The following CDH13 variants were observed in gnomAD, a reference collection of about 807,000 sequenced individuals.
CDH13 encodes cadherin-13.
CDH13 carries 24 observed loss-of-function variants against 63.8 expected under a neutral mutation model. The observed-to-expected ratio is 0.38, with a 90% confidence interval of 0.27 to 0.53. The LOEUF (loss-of-function observed/expected upper bound fraction) is 0.53, where lower values mean the gene tolerates loss of function less well. Ranked by LOEUF, CDH13 falls within the 20% of genes least tolerant of loss-of-function variation. The probability of loss-of-function intolerance (pLI) is 0.85; values close to 1 mark genes in which losing one functional copy is unlikely to be tolerated. For synonymous variants in CDH13, 503 were observed against 355.3 expected, an observed-to-expected ratio of 1.42 and a Z score of -4.67; for missense variants, 1,049 against 903.1, an observed-to-expected ratio of 1.16 and a Z score of -2.07.
chr16:83,132,940 G>C (rs1237658622), intron 4 of CDH13, among the ~76,000 whole-genome samples: 2 of 152,136 alleles, frequency 1.3e-5, no homozygotes, highest in Non-Finnish European at 2.9e-5. Flanking sequence ...TGAACTGTCA[G>C]TTCTTCCTGG....
intron 7 of CDH13, among the ~76,000 whole-genome samples, chr16:83,539,499 A>T (rs911569328): frequency 6.6e-6 from 1 of 152,236 alleles, no homozygotes; most frequent in African/African-American, 2.4e-5. Flanking sequence ...TCCACATGAA[A>T]GTGAAAGGCT....
chr16:83,558,055 A>G (rs577445674), intron 7 of CDH13, among the ~76,000 whole-genome samples: 1 of 152,206 alleles, frequency 6.6e-6, no homozygotes, highest in African/African-American at 2.4e-5. Context: ...AAGGGCACCC[A>G]GCAATGCTCA....
chr16:82,651,030 A>C (rs557887947), intron 1 of CDH13, among the ~76,000 whole-genome samples: 1 of 152,180 alleles, frequency 6.6e-6, no homozygotes, highest in African/African-American at 2.4e-5. Context: ...GGGGGAGAAA[A>C]CGGTACCCTC....
intron 2 of CDH13, among the ~76,000 whole-genome samples, chr16:83,006,890 C>A (rs1033321975): frequency 2.6e-5 from 3 of 115,374 alleles, no homozygotes; most frequent in South Asian, 2.7e-4. Flanking sequence ...TTCAAAACAC[C>A]CAGTTTTGAT....
At chr16:83,189,480 T>C (rs977887657) in intron 4 of CDH13, among the ~76,000 whole-genome samples, 5 of 152,184 alleles carry the variant, frequency 3.3e-5, no homozygotes, top group African/African-American at 1.2e-4. Flanking sequence ...AGTGGTACTG[T>C]GTTAGTCAGA....
chr16:82,972,952 A>T (rs1908981818), intron 2 of CDH13, among the ~76,000 whole-genome samples: 1 of 152,156 alleles, frequency 6.6e-6, no homozygotes, highest in Non-Finnish European at 1.5e-5. Flanking sequence ...TTATTTTTTT[A>T]AAGTGTTCAA....
intron 3 of CDH13, among the ~76,000 whole-genome samples, chr16:83,072,455 G>C (rs762293860): frequency 2.0e-5 from 3 of 152,064 alleles, no homozygotes; most frequent in Non-Finnish European, 1.5e-5. Context: ...CTCACCATTG[G>C]GTACCTCTTA....
intron 2 of CDH13, among the ~76,000 whole-genome samples, chr16:82,879,691 A>G (rs1181814899): frequency 7.2e-6 from 1 of 138,986 alleles, no homozygotes; most frequent in East Asian, 2.0e-4. Flanking sequence ...AATATATAAT[A>G]ATATAACCAG....
chr16:83,077,290 C>T (rs1355394265), intron 3 of CDH13, among the ~76,000 whole-genome samples: 3 of 130,720 alleles, frequency 2.3e-5, no homozygotes, highest in African/African-American at 8.8e-5. Context: ...TTCCTGAGTT[C>T]GAGCGATTCT....
At chr16:83,750,336 T>G (rs900329026) in intron 11 of CDH13, among the ~76,000 whole-genome samples, 2 of 152,216 alleles carry the variant, frequency 1.3e-5, no homozygotes, top group African/African-American at 2.4e-5. Context: ...GTTTTGCTTA[T>G]GTTTGCAAAT....
chr16:83,396,121 A>G (rs2091882254), intron 6 of CDH13, among the ~76,000 whole-genome samples: 1 of 152,172 alleles, frequency 6.6e-6, no homozygotes, highest in Non-Finnish European at 1.5e-5. Flanking sequence ...AAAGGACATG[A>G]TCTTATTCCT....
chr16:83,450,234 A>G (rs761727801), intron 6 of CDH13, among the ~76,000 whole-genome samples: 56 of 152,230 alleles, frequency 3.7e-4, no homozygotes, highest in Non-Finnish European at 7.2e-4. Context: ...GAGGCCCATA[A>G]GCCTGGATGT....
At chr16:82,645,149 T>C (rs1434089248) in intron 1 of CDH13, among the ~76,000 whole-genome samples, 1 of 152,094 alleles carries the variant, frequency 6.6e-6, no homozygotes, top group Non-Finnish European at 1.5e-5. Flanking sequence ...GGATGCCATA[T>C]CTCAGAGTAC....
intron 1 of CDH13, among the ~76,000 whole-genome samples, chr16:82,725,209 CT>C (rs34705303): frequency 0.19 from 28,204 of 152,062 alleles, 2,716 homozygotes; most frequent in Middle Eastern, 0.23. Flanking sequence ...GAATGTTTTC[CT>C]GCTGTTTCCC....
chr16:82,895,706 G>A (rs1217293369), intron 2 of CDH13, among the ~76,000 whole-genome samples: 6 of 149,506 alleles, frequency 4.0e-5, no homozygotes, highest in Admixed American at 2.7e-4. Flanking sequence ...TTTTTTTAAA[G>A]AGGGGTGTTT....
intron 3 of CDH13, among the ~76,000 whole-genome samples, chr16:83,116,572 T>C (rs143818611): frequency 2.0e-5 from 3 of 152,340 alleles, no homozygotes; most frequent in South Asian, 2.1e-4. Context: ...GCATGGTTTC[T>C]GTTCATGAAA....
chr16:83,241,580 T>G (rs1215376448), intron 5 of CDH13, among the ~76,000 whole-genome samples: 3 of 152,234 alleles, frequency 2.0e-5, no homozygotes, highest in Non-Finnish European at 4.4e-5. Context: ...CTTTTAGGAT[T>G]AGTGATGTTC....
At chr16:82,761,876 G>A (rs2034870342) in intron 1 of CDH13, among the ~76,000 whole-genome samples, 1 of 152,040 alleles carries the variant, frequency 6.6e-6, no homozygotes, top group Non-Finnish European at 1.5e-5. Context: ...ACACATCCTA[G>A]TAGGAAAAAT....
At chr16:83,431,288 C>T (rs1428571565) in intron 6 of CDH13, among the ~76,000 whole-genome samples, 1 of 151,910 alleles carries the variant, frequency 6.6e-6, no homozygotes, top group East Asian at 1.9e-4. Flanking sequence ...ACGTACACAC[C>T]AGTTCTTATA....
Sources: gnomAD v4.1 joint callset for allele counts (sites outside exome capture counted in the v4.1 genomes callset) on GRCh38, gnomAD v4.1.1 for gene constraint, MANE v1.5 for transcripts, NCBI Gene and HGNC (gene_info 2026-07-23, HGNC 2026-07-21) for gene names.